Variants in TRPM3 observed in about 807,000 individuals in gnomAD.
TRPM3 encodes the protein long transient receptor potential channel 3.
TRPM3 carries 77 observed loss-of-function variants against 181.2 expected under a neutral mutation model. The ratio of observed to expected loss-of-function variants is 0.42; its 90% CI spans 0.35 to 0.51. The LOEUF is 0.51. Ranked by LOEUF, TRPM3 falls within the 20% of genes least tolerant of loss-of-function variation. The pLI, the probability that TRPM3 is intolerant of heterozygous loss-of-function variation, is 0.01. For missense variants in TRPM3, 1,759 were observed against 2,196.7 expected, an observed-to-expected ratio of 0.80 and a Z score of 3.98; for synonymous variants, 745 against 796.4, an observed-to-expected ratio of 0.94 and a Z score of 1.09.
chr9:70,866,545 T>C (rs1243004897), intron 1 of TRPM3, among the ~76,000 whole-genome samples: 1 of 152,066 alleles, frequency 6.6e-6, no homozygotes, highest in Non-Finnish European at 1.5e-5. Context: ...TTGGGGGTAC[T>C]ATGCTTTGCT....
chr9:71,252,041 T>A (rs1588140449), intron 1 of TRPM3, among the ~76,000 whole-genome samples: 1 of 152,156 alleles, frequency 6.6e-6, no homozygotes, highest in African/African-American at 2.4e-5. Context: ...GATCTCATTC[T>A]TTTTTATGGC....
At chr9:70,936,581 G>C (rs1325170275) in intron 1 of TRPM3, among the ~76,000 whole-genome samples, 14 of 152,184 alleles carry the variant, frequency 9.2e-5, no homozygotes, top group Admixed American at 9.2e-4. Flanking sequence ...ATAATGGTTT[G>C]ATCACTACCA....
chr9:71,258,437 CCTAT>C (rs1334660181), intron 1 of TRPM3, among the ~76,000 whole-genome samples: 1 of 152,140 alleles, frequency 6.6e-6, no homozygotes, highest in Non-Finnish European at 1.5e-5. Context: ...GGGAGTACAA[CCTAT>C]CTATCATTTA....
intron 1 of TRPM3, among the ~76,000 whole-genome samples, chr9:71,187,945 AGATAGATC>A (rs33910851): frequency 0.16 from 11,291 of 72,510 alleles, 495 homozygotes; most frequent in South Asian, 0.21. Context: ...ATAGATAGAT[AGATAGATC>A]ATCGCATTTT....
At chr9:70,888,234 C>A (rs1041351507) in intron 1 of TRPM3, among the ~76,000 whole-genome samples, 13 of 151,998 alleles carry the variant, frequency 8.6e-5, no homozygotes, top group African/African-American at 2.9e-4. Context: ...TACTATGAAC[C>A]ATTATAACCA....
chr9:71,336,744 C>T (rs2090583388), intron 1 of TRPM3, among the ~76,000 whole-genome samples: 1 of 151,962 alleles, frequency 6.6e-6, no homozygotes, highest in Non-Finnish European at 1.5e-5. Flanking sequence ...GGTACTGGTA[C>T]CAAAATAGAG....
chr9:71,201,346 T>C (rs1469232055), intron 1 of TRPM3, among the ~76,000 whole-genome samples: 1 of 152,144 alleles, frequency 6.6e-6, no homozygotes, highest in Non-Finnish European at 1.5e-5. Context: ...CTGACAATTA[T>C]GTGTCTTGGA....
chr9:70,630,256 G>A (rs1456967308), intron 12 of TRPM3, among the ~76,000 whole-genome samples: 1 of 152,182 alleles, frequency 6.6e-6, no homozygotes, highest in Non-Finnish European at 1.5e-5. Flanking sequence ...TAGGTGGCTT[G>A]GACACAATAA....
At chr9:70,907,916 T>C (rs2096489480) in intron 1 of TRPM3, among the ~76,000 whole-genome samples, 1 of 152,232 alleles carries the variant, frequency 6.6e-6, no homozygotes, top group Non-Finnish European at 1.5e-5. Flanking sequence ...TAGTATTCCA[T>C]TGTGTATATG....
At chr9:71,292,875 G>A (rs1439801409) in intron 1 of TRPM3, among the ~76,000 whole-genome samples, 1 of 151,850 alleles carries the variant, frequency 6.6e-6, no homozygotes, top group African/African-American at 2.4e-5. Flanking sequence ...TCACATATCA[G>A]TGAATGATTA....
intron 1 of TRPM3, among the ~76,000 whole-genome samples, chr9:71,042,174 G>A (rs2058901504): frequency 6.6e-6 from 1 of 151,508 alleles, no homozygotes; most frequent in South Asian, 2.1e-4. Context: ...CCTAAAGTAT[G>A]TACCTTAGAA....
chr9:71,281,368 T>C (rs769683068), intron 1 of TRPM3, among the ~76,000 whole-genome samples: 6 of 152,204 alleles, frequency 3.9e-5, no homozygotes, highest in African/African-American at 7.2e-5. Context: ...GGTTAGAGCT[T>C]GAGTCACCTT....
intron 3 of TRPM3, among the ~76,000 whole-genome samples, chr9:70,858,262 T>G (rs960626434): frequency 2.6e-5 from 4 of 152,130 alleles, no homozygotes; most frequent in African/African-American, 9.7e-5. Context: ...ATTAAATCAG[T>G]TGGCCAATCT....
chr9:71,197,889 G>C (rs1354002459), intron 1 of TRPM3, among the ~76,000 whole-genome samples: 1 of 149,300 alleles, frequency 6.7e-6, no homozygotes, highest in Non-Finnish European at 1.5e-5. Context: ...GATCCCATTT[G>C]TCAATTTTGG....
At chr9:71,411,507 T>A (rs145466363) in intron 1 of TRPM3, among the ~76,000 whole-genome samples, 4,349 of 152,228 alleles carry the variant, frequency 0.029, 197 homozygotes, top group African/African-American at 0.098. Context: ...CACAATTGCT[T>A]CAAAGAGAAT....
Position 71,112,149 on chromosome 9 carries a change from C to T in TRPM3, c.177+9029G>A, listed in dbSNP as rs957025717. Among the ~76,000 whole-genome samples the T allele has an allele frequency of 4.7e-4, 71 of 152,114 alleles. 1 individual carries two copies. The highest frequency in any genetic ancestry group is 4.3e-3 in the Admixed American group (65 of 15,266). Reference sequence around the variant, plus strand: ...TATTTAGAGGATAAAGCAAGGGTGGCCCCAGCAAGTTTAACAGTACAGTTT... The same window carrying T: ...TATTTAGAGGATAAAGCAAGGGTGGTCCCAGCAAGTTTAACAGTACAGTTT... On this transcript the variant is annotated intron_variant, in intron 1 of 25. Coordinates refer to ENST00000677713, the MANE Select transcript of TRPM3 (RefSeq NM_001366145.2).
At chr9:71,429,334 G>T (rs918594928) in intron 1 of TRPM3, among the ~76,000 whole-genome samples, 1 of 152,108 alleles carries the variant, frequency 6.6e-6, no homozygotes, top group African/African-American at 2.4e-5. Flanking sequence ...GTAGAGCCAG[G>T]CACGCTGATT....
intron 1 of TRPM3, among the ~76,000 whole-genome samples, chr9:71,337,197 G>T (rs990449364): frequency 1.7e-4 from 26 of 151,488 alleles, no homozygotes; most frequent in African/African-American, 6.1e-4. Flanking sequence ...TCGACAAAGG[G>T]CTAATATCCA....
rs192534234 is a variant in TRPM3 at position 70,935,128 on chromosome 9, G to A, written c.178-70617C>T. Among the ~76,000 whole-genome samples, 68 of 152,148 alleles carry A rather than the reference G, an allele frequency of 4.5e-4. No homozygotes were observed. In the East Asian group the frequency reaches 0.01, roughly 22 times the overall value. On this transcript the variant is annotated intron_variant, in intron 1 of 25. Transcript: ENST00000677713. ...CTCTTTCCACCTCATGAATGCCCAC[G>A]CACCCAGTGGAAACAGTCCTTTCTG...
Sources: gnomAD v4.1 joint callset for allele counts (sites outside exome capture counted in the v4.1 genomes callset) on GRCh38, gnomAD v4.1.1 for gene constraint, MANE v1.5 for transcripts, NCBI Gene and HGNC (gene_info 2026-07-23, HGNC 2026-07-21) for gene names.